Variants in HECTD4 observed in about 807,000 individuals in gnomAD.
The protein encoded by HECTD4 is probable E3 ubiquitin-protein ligase HECTD4.
A neutral mutation model predicts 471.5 loss-of-function variants in HECTD4; 114 were observed. The ratio of observed to expected loss-of-function variants is 0.24; its 90% CI spans 0.21 to 0.28. The LOEUF (loss-of-function observed/expected upper bound fraction) is 0.28. HECTD4 is among the 10% of genes least tolerant of loss of function. The probability of loss-of-function intolerance (pLI) is 1.00; values close to 1 mark genes in which losing one functional copy is unlikely to be tolerated. For missense variants in HECTD4, 3,866 were observed against 5,651.5 expected (o/e 0.68, Z 10.13); for synonymous variants, 2,012 against 2,256.0 (o/e 0.89, Z 3.07).
intron 37 of HECTD4, among the ~76,000 whole-genome samples, chr12:112,234,471 A>T: frequency 6.6e-6 from 1 of 152,296 alleles, no homozygotes; most frequent in Non-Finnish European, 1.5e-5. Flanking sequence ...AGGCCTCTTC[A>T]ATCTGAGACA....
chr12:112,243,766 G>C lies in HECTD4; in HGVS notation c.4650-5C>G, dbSNP rs369235176. The C allele has an allele frequency of 6.2e-7, 1 of 1,612,940 alleles. No individual in the cohort carries two copies. The highest frequency in any genetic ancestry group is 1.1e-5 in the South Asian group (1 of 90,942). ...TGGCTGGTCACGTGGCGACGCCTAC[G>C]GGGAACACAGAACAGACTGGCAAGA... On this transcript the variant is annotated splice_polypyrimidine_tract_variant and splice_region_variant and intron_variant, in intron 30 of 75. Coordinates refer to ENST00000682272, the MANE Select transcript of HECTD4 (RefSeq NM_001388303.1). This position sits in a 1 kb window ranked among gnomAD's most constrained non-coding sequence, Gnocchi z 6.6.
rs1253452613 is a variant in HECTD4 at position 112,172,573 on chromosome 12, A to T, written c.11785+98T>A. On this transcript the variant is annotated intron_variant, in intron 67 of 75. Transcript: ENST00000682272. ...GCAGGTGTTCATAAGTGTTCGTTCG[A>T]TGGACGTCTAAATGAATCTAGCCCT... 2.4e-6 allele frequency: 3 copies of T among 1,229,452 alleles called. No individual in the cohort carries two copies. The East Asian group carries it at 7.1e-5, about 29-fold the overall frequency. The allele number at this position is 1,229,452 out of a possible 1,614,324, so 76.2% of individuals were successfully genotyped here.
intron 1 of HECTD4, among the ~76,000 whole-genome samples, chr12:112,361,203 C>T (rs2036442452): frequency 6.6e-6 from 1 of 152,076 alleles, no homozygotes; most frequent in Non-Finnish European, 1.5e-5. Context: ...TTCTCCCATC[C>T]ATATTTTCTT....
At position 112,184,042 on chromosome 12, in the gene HECTD4, A is replaced by C; in HGVS notation, c.10779+145T>G. On this transcript the variant is annotated intron_variant, in intron 61 of 75. Transcript: ENST00000682272. The surrounding 1 kb of genome is among the most constrained non-coding windows in gnomAD (Gnocchi z 9.1). ...CAGAGACGTTACCCCAAGCAGCCTC[A>C]CTGTGCTCATTCCAAGGGCTGCCCC... 1 of 768,988 alleles carries C rather than the reference A, an allele frequency of 1.3e-6. No homozygotes were observed. The highest frequency in any genetic ancestry group is 2.1e-6 in the Non-Finnish European group (1 of 465,876). The allele number at this position is 768,988 out of a possible 1,614,324, so 47.6% of individuals were successfully genotyped here. A position where few individuals can be genotyped will look rare whatever the true frequency, so the allele number is the denominator to read the frequency against.
chr12:112,247,987 C>G, intron 27 of HECTD4, 80 bp downstream of exon 27: 1 of 948,096 alleles, frequency 1.1e-6, no homozygotes, highest in South Asian at 1.6e-5. Flanking sequence ...TACACACACA[C>G]ACACACACAC....
intron 7 of HECTD4, among the ~76,000 whole-genome samples, chr12:112,288,561 G>A (rs1769831966): frequency 6.6e-6 from 1 of 152,118 alleles, no homozygotes. Flanking sequence ...TGGGGAGTTT[G>A]CAGTGAGTGA....
chr12:112,288,085 T>C (rs959238970), intron 7 of HECTD4, among the ~76,000 whole-genome samples: 2 of 151,838 alleles, frequency 1.3e-5, no homozygotes, highest in Admixed American at 1.3e-4. Flanking sequence ...TCCCAGCACT[T>C]TGGGAGGCTG....
At chr12:112,267,587 A>G (rs768480264) in intron 13 of HECTD4, among the ~76,000 whole-genome samples, 5 of 152,106 alleles carry the variant, frequency 3.3e-5, no homozygotes, top group Admixed American at 6.5e-5. Flanking sequence ...GAATTACCCA[A>G]ATGATAAGTA....
chr12:112,336,264 C>T (rs931261943), intron 1 of HECTD4, among the ~76,000 whole-genome samples: 1 of 152,100 alleles, frequency 6.6e-6, no homozygotes, highest in Non-Finnish European at 1.5e-5. Context: ...TGGCTCATGC[C>T]TGTAATCTCA....
chr12:112,217,376 A>G (rs2032953057), intron 45 of HECTD4, among the ~76,000 whole-genome samples, 181 bp from the exon 46 acceptor site: 1 of 152,098 alleles, frequency 6.6e-6, no homozygotes, highest in Non-Finnish European at 1.5e-5. Flanking sequence ...ATTTAGAGAC[A>G]GAGTCTCACT....
At chr12:112,336,226 A>G (rs935522274) in intron 1 of HECTD4, among the ~76,000 whole-genome samples, 1 of 152,186 alleles carries the variant, frequency 6.6e-6, no homozygotes, top group African/African-American at 2.4e-5. Context: ...GGAAAGAATT[A>G]TAGTTTAAAA....
intron 25 of HECTD4, 61 bp from the exon 26 acceptor site, chr12:112,248,573 T>C: frequency 9.3e-7 from 1 of 1,071,540 alleles, no homozygotes; most frequent in Non-Finnish European, 1.3e-6. Context: ...CAATACTGTA[T>C]TTTATTTTTA....
At chr12:112,302,978 CT>C (rs3031817) in intron 7 of HECTD4, among the ~76,000 whole-genome samples, 26,692 of 120,626 alleles carry the variant, frequency 0.22, 3,645 homozygotes, top group East Asian at 0.82. Flanking sequence ...TTTGTCTGCT[CT>C]TTTTTTTTTT....
Position 112,193,488 on chromosome 12 carries a change from T to C in HECTD4, c.8936A>G (p.Gln2979Arg), listed in dbSNP as rs201483733. ...GEESLLELTK[Q>R]ICSFLQTAPE... ...TTCTACCTGCAGGAAAGAGCAGATC[T>C]GTTTCGTCAGCTCTAAAAGGCTCTC... Residue 2979 changes from glutamine to arginine, a missense_variant, in exon 57 of 76, where the codon CAG becomes CGG. Gln to Arg is a conservative substitution (Grantham distance 43). Transcript: ENST00000682272. This position sits in a 1 kb window ranked among gnomAD's most constrained non-coding sequence, Gnocchi z 5.2. 2,035 of 1,609,914 alleles carry C rather than the reference T, an allele frequency of 1.3e-3. 6 individuals carry two copies. The highest frequency in any genetic ancestry group is 3.9e-3 in the South Asian group (353 of 89,900).
chr12:112,334,203 C>A (rs1249703077), intron 1 of HECTD4, among the ~76,000 whole-genome samples: 2 of 142,740 alleles, frequency 1.4e-5, no homozygotes, highest in East Asian at 2.0e-4. Flanking sequence ...AGCCAGACTC[C>A]CTCTTAAATA....
chr12:112,326,862 T>C (rs1480224164), intron 1 of HECTD4, among the ~76,000 whole-genome samples: 1 of 152,128 alleles, frequency 6.6e-6, no homozygotes, highest in African/African-American at 2.4e-5. Flanking sequence ...CTCTCTTGTC[T>C]ATACAAATAT....
Position 112,217,097 on chromosome 12 carries a change from G to A in HECTD4, c.7173C>T (p.Pro2391=). 6.3e-7 allele frequency: 1 copy of A among 1,593,832 alleles called. No individual in the cohort carries two copies. Among genetic ancestry groups the A allele is most frequent in the Non-Finnish European group, 8.5e-7 (1 of 1,170,124 alleles). The change falls in exon 46 of 76, where the codon CCC becomes CCT. Residue 2391 remains proline, a synonymous_variant. Transcript: ENST00000682272. ...HLTSVTFLAD[P]SAGGGLPRGT... is the part of the protein sequence containing the mutation. The stretch of plus-strand genomic sequence containing the variant: ...CCCGGGGCAGGCCTCCCCCAGCGCT[G>A]GGGTCAGCCAGGAAGGTGACTGAGG...
At chr12:112,203,370 G>C (rs2032486270) in intron 54 of HECTD4, 1 of 326,496 alleles carries the variant, frequency 3.1e-6, no homozygotes, top group Non-Finnish European at 5.6e-6. Flanking sequence ...ATGTCGGACA[G>C]AAAATAATGG....
intron 1 of HECTD4, among the ~76,000 whole-genome samples, chr12:112,343,474 A>G (rs1313053279): frequency 5.3e-5 from 8 of 152,236 alleles, no homozygotes. Context: ...TGTTTGTATT[A>G]GAGAAAAAAC....
Sources: allele counts gnomAD v4.1 joint callset (sites outside exome capture counted in the v4.1 genomes callset), GRCh38; gene constraint gnomAD v4.1.1; non-coding constraint Gnocchi (gnomAD v3.1); transcripts MANE v1.5; gene names NCBI Gene and HGNC (gene_info 2026-07-23, HGNC 2026-07-21).